PTPRN2: variants seen among roughly 807,000 people sequenced by gnomAD.
PTPRN2 encodes the protein receptor-type tyrosine-protein phosphatase N2.
PTPRN2 carries 74 observed loss-of-function variants against 118.8 expected under a neutral mutation model. The observed-to-expected ratio is 0.62, with a 90% confidence interval of 0.52 to 0.76. PTPRN2 has a LOEUF of 0.76. Among genes scored for constraint, PTPRN2 ranks in the 30% least tolerant of loss-of-function variants. The probability of loss-of-function intolerance (pLI) is 0.00; values close to 1 mark genes in which losing one functional copy is unlikely to be tolerated. For synonymous variants in PTPRN2, 641 were observed against 608.0 expected, an observed-to-expected ratio of 1.05 and a Z score of -0.80; for missense variants, 1,481 against 1,394.4, an observed-to-expected ratio of 1.06 and a Z score of -0.99.
chr7:158,418,169 A>G lies in PTPRN2; in HGVS notation c.163+71566T>C, dbSNP rs1250413013. Among the ~76,000 whole-genome samples, 789 of 87,848 alleles carry G rather than the reference A, an allele frequency of 9.0e-3. 2 individuals carry two copies. The highest frequency in any genetic ancestry group is 0.044 in the Middle Eastern group (4 of 90). 57.6% of individuals were successfully genotyped at this position (87,848 alleles called of 152,430 possible). Reference sequence around the variant, plus strand: ...GTGTTAAGTCATGGTGTACTACATCAAGATGCTCTAGCTCTCCGTGTCCTG... The same window carrying G: ...GTGTTAAGTCATGGTGTACTACATCGAGATGCTCTAGCTCTCCGTGTCCTG... On this transcript the variant is annotated intron_variant, in intron 2 of 22. Coordinates refer to ENST00000389418, the MANE Select transcript of PTPRN2 (RefSeq NM_002847.5).
chr7:158,576,877 G>A (rs1828356865), intron 1 of PTPRN2, among the ~76,000 whole-genome samples: 1 of 138,064 alleles, frequency 7.2e-6, no homozygotes, highest in African/African-American at 2.8e-5. Flanking sequence ...GCCACAGACA[G>A]CATGGGGCCT....
intron 1 of PTPRN2, among the ~76,000 whole-genome samples, chr7:158,522,660 A>G (rs958997399): frequency 6.6e-6 from 1 of 152,210 alleles, no homozygotes; most frequent in African/African-American, 2.4e-5. Context: ...GTGGACACAG[A>G]TTAAGGTGAA....
At chr7:158,281,515 A>T (rs1222475761) in intron 3 of PTPRN2, among the ~76,000 whole-genome samples, 3 of 152,350 alleles carry the variant, frequency 2.0e-5, no homozygotes, top group Admixed American at 2.0e-4. Flanking sequence ...ATATGCCCAC[A>T]GTCTGCTATG....
chr7:157,930,622 G>A (rs947023340), intron 11 of PTPRN2, among the ~76,000 whole-genome samples: 6 of 152,218 alleles, frequency 3.9e-5, no homozygotes, highest in African/African-American at 1.4e-4. Flanking sequence ...TGCTGCCCCT[G>A]GCCCTGAGGT....
At chr7:157,706,536 A>G (rs1443145487) in intron 12 of PTPRN2, among the ~76,000 whole-genome samples, 1 of 152,050 alleles carries the variant, frequency 6.6e-6, no homozygotes, top group East Asian at 1.9e-4. Context: ...AACTGAGCGA[A>G]TCTGACCCAG....
At chr7:157,952,095 C>T (rs531318942) in intron 11 of PTPRN2, among the ~76,000 whole-genome samples, 9 of 152,332 alleles carry the variant, frequency 5.9e-5, no homozygotes, top group South Asian at 2.1e-4. Context: ...GCACACCCTG[C>T]GGGGAGGCCA....
chr7:158,286,239 AAC>A (rs932045272), intron 3 of PTPRN2, among the ~76,000 whole-genome samples: 3 of 152,320 alleles, frequency 2.0e-5, no homozygotes, highest in African/African-American at 7.2e-5. Flanking sequence ...TATTAGCTCT[AAC>A]AGTGTTTTTG....
intron 4 of PTPRN2, among the ~76,000 whole-genome samples, chr7:158,201,256 A>G (rs1826626000): frequency 6.6e-6 from 1 of 152,144 alleles, no homozygotes; most frequent in African/African-American, 2.4e-5. Context: ...AGTGCTGAGT[A>G]ATTTTAAAAA....
intron 21 of PTPRN2, among the ~76,000 whole-genome samples, chr7:157,552,076 T>C (rs1798659220): frequency 1.5e-5 from 2 of 137,292 alleles, no homozygotes; most frequent in Non-Finnish European, 1.5e-5. Flanking sequence ...AGCCACCACA[T>C]ACCCTACAGG....
chr7:157,933,049 T>G (rs908676673), intron 11 of PTPRN2, among the ~76,000 whole-genome samples: 1 of 140,510 alleles, frequency 7.1e-6, no homozygotes, highest in Non-Finnish European at 1.5e-5. Context: ...AGTGGCGGGG[T>G]GAGTCAGTCT....
rs188672092 is a variant in PTPRN2 at position 158,438,152 on chromosome 7, C to T, written c.163+51583G>A. Among the ~76,000 whole-genome samples the T allele has an allele frequency of 1.6e-3, 248 of 152,104 alleles. 8 individuals are homozygous for T. The East Asian group carries it at 0.036, about 22-fold the overall frequency. On this transcript the variant is annotated intron_variant, in intron 2 of 22. Transcript: ENST00000389418. The surrounding 1 kb of genome is among the most constrained non-coding windows in gnomAD (Gnocchi z 4.7). ...CAGCACTTTGGGAGGCTGAGGTGGG[C>T]GGATCACCTGAGGTCAGGAATTTGA...
chr7:158,232,908 G>C (rs1424630075), intron 3 of PTPRN2, among the ~76,000 whole-genome samples: 1 of 152,084 alleles, frequency 6.6e-6, no homozygotes. Context: ...ATCAAAATGG[G>C]TATAGAAAGA....
intron 1 of PTPRN2, among the ~76,000 whole-genome samples, chr7:158,537,840 C>A (rs1708372761): frequency 6.6e-6 from 1 of 152,230 alleles, no homozygotes; most frequent in African/African-American, 2.4e-5. Context: ...TTATTTAGGT[C>A]TCTGATAAAT....
chr7:158,133,642 C>A (rs764463962), intron 9 of PTPRN2, 35 bp downstream of exon 9: 3 of 1,524,500 alleles, frequency 2.0e-6, no homozygotes, highest in South Asian at 1.3e-5. Flanking sequence ...AGCCCTCCCT[C>A]GGCACACAGG....
chr7:158,433,308 T>C (rs868835303), intron 2 of PTPRN2, among the ~76,000 whole-genome samples: 25 of 152,216 alleles, frequency 1.6e-4, no homozygotes, highest in African/African-American at 3.9e-4. Context: ...TATGTACTCA[T>C]AGGAGTGGGA....
chr7:157,801,410 CGA>C lies in PTPRN2; in HGVS notation c.1788+97261_1788+97262del, dbSNP rs370553367. Among the ~76,000 whole-genome samples the C allele has an allele frequency of 7.2e-4, 109 of 152,220 alleles. 3 individuals carry two copies. Among genetic ancestry groups the C allele is most frequent in the African/African-American group, 2.5e-3 (105 of 41,536 alleles). On this transcript the variant is annotated intron_variant, in intron 12 of 22. Transcript: ENST00000389418. This position sits in a 1 kb window ranked among gnomAD's most constrained non-coding sequence, Gnocchi z 4.2. ...TTATTCACGGAGAGGCTCTGCATCA[CGA>C]GAGTGCTGCGTTAACCCAGGTGCGG... is the stretch of plus-strand genomic sequence containing the variant.
intron 11 of PTPRN2, among the ~76,000 whole-genome samples, chr7:157,911,713 G>A (rs565970972): frequency 2.6e-5 from 4 of 152,152 alleles, no homozygotes; most frequent in East Asian, 1.9e-4. Flanking sequence ...AGCTCTTCTC[G>A]GTCCTATCAA....
At chr7:158,532,958 C>T in intron 1 of PTPRN2, 1 of 352,130 alleles carries the variant, frequency 2.8e-6, no homozygotes. Context: ...AGGGACAAGG[C>T]CTCATCCCCA....
chr7:157,795,991 C>A (rs1804847127), intron 12 of PTPRN2, among the ~76,000 whole-genome samples: 1 of 152,238 alleles, frequency 6.6e-6, no homozygotes, highest in Non-Finnish European at 1.5e-5. Context: ...TTGGGAGAGG[C>A]CCTATGGTGC....
Sources: allele counts gnomAD v4.1 joint callset (sites outside exome capture counted in the v4.1 genomes callset), GRCh38; gene constraint gnomAD v4.1.1; non-coding constraint Gnocchi (gnomAD v3.1); transcripts MANE v1.5; gene names NCBI Gene and HGNC (gene_info 2026-07-23, HGNC 2026-07-21).